The following MYH9 variants were observed in gnomAD, a reference collection of about 807,000 sequenced individuals.
MYH9 encodes myosin-9.
A neutral mutation model predicts 241.9 loss-of-function variants in MYH9; 29 were observed. The ratio of observed to expected loss-of-function variants is 0.12; its 90% CI spans 0.09 to 0.16. The LOEUF (loss-of-function observed/expected upper bound fraction) is 0.16, where lower values mean the gene tolerates loss of function less well. MYH9 is among the 10% of genes least tolerant of loss of function. The pLI, the probability that MYH9 is intolerant of heterozygous loss-of-function variation, is 1.00. For synonymous variants in MYH9, 1,047 were observed against 1,062.6 expected (o/e 0.99, Z 0.29); for missense variants, 1,803 against 2,595.5 (o/e 0.69, Z 6.63).
rs144179406 is a variant in MYH9 at position 36,282,674 on chromosome 22, G to A, written c.5877C>T (p.Ala1959=). The change falls in exon 41 of 41, where the codon GCC becomes GCT. Residue 1959 remains alanine, a synonymous_variant. Transcript: ENST00000216181. ...AGGCTGCAGGAGAAGAGGCTTATTCGGCAGGTTTGGCCTCAGCCCCATCCG... is the reference window on the plus strand; with the variant it reads ...AGGCTGCAGGAGAAGAGGCTTATTCAGCAGGTTTGGCCTCAGCCCCATCCG... ...GKADGAEAKP[A]E 194 of 1,613,802 alleles carry A rather than the reference G, an allele frequency of 1.2e-4. 1 individual carries two copies. In the African/African-American group the frequency reaches 2.0e-3, roughly 17 times the overall value.
chr22:36,321,049 T>G (rs1440571858), intron 7 of MYH9, among the ~76,000 whole-genome samples, 153 bp from the exon 8 acceptor site: 2 of 151,988 alleles, frequency 1.3e-5, no homozygotes, highest in Non-Finnish European at 2.9e-5. Context: ...ACCTCCTGGA[T>G]TCAAGCGATT....
At chr22:36,352,843 G>A (rs1338639689) in intron 1 of MYH9, among the ~76,000 whole-genome samples, 3 of 152,348 alleles carry the variant, frequency 2.0e-5, no homozygotes, top group East Asian at 3.9e-4. Context: ...CATTAAGCAA[G>A]GCTGGGCTCT....
chr22:36,297,109 CGT>C (rs1569535078), intron 24 of MYH9, 95 bp from the exon 25 acceptor site: 49 of 1,408,506 alleles, frequency 3.5e-5, no homozygotes, highest in Non-Finnish European at 4.4e-5. Flanking sequence ...CGTTATGAAA[CGT>C]GTGTCAGGCT....
chr22:36,311,658 G>A (rs1603483260), intron 14 of MYH9, among the ~76,000 whole-genome samples: 1 of 152,186 alleles, frequency 6.6e-6, no homozygotes, highest in South Asian at 2.1e-4. Flanking sequence ...TTCCAGATGA[G>A]GAAACCAAGG....
At chr22:36,304,503 T>C (rs1332213764) in intron 18 of MYH9, among the ~76,000 whole-genome samples, 1 of 152,134 alleles carries the variant, frequency 6.6e-6, no homozygotes, top group Non-Finnish European at 1.5e-5. Flanking sequence ...AACAGGATGC[T>C]GGGAAGGGGA....
At chr22:36,346,711 T>TC (rs1461512735) in intron 2 of MYH9, among the ~76,000 whole-genome samples, 1 of 152,166 alleles carries the variant, frequency 6.6e-6, no homozygotes, top group Non-Finnish European at 1.5e-5. Context: ...CAAGTGATCC[T>TC]CCCACCTCAG....
Position 36,334,357 on chromosome 22 carries a change from G to A in MYH9, c.491-6869C>T, listed in dbSNP as rs113209021. Among the ~76,000 whole-genome samples, 833 of 152,312 alleles carry A rather than the reference G, an allele frequency of 5.5e-3. 8 individuals carry two copies. The highest frequency in any genetic ancestry group is 0.019 in the African/African-American group (797 of 41,566). ...GCCTGCTTCCCACAGCACCTGTCTG[G>A]TCCACCAGCATCCCAGGGAACAGAA... On this transcript the variant is annotated intron_variant, in intron 3 of 40. Transcript: ENST00000216181.
intron 19 of MYH9, among the ~76,000 whole-genome samples, chr22:36,303,333 C>T (rs959874888): frequency 6.6e-6 from 1 of 151,852 alleles, no homozygotes; most frequent in Non-Finnish European, 1.5e-5. Context: ...TGGCCTGCTC[C>T]CCTGGAATCA....
Position 36,282,781 on chromosome 22 carries a change from C to G in MYH9, c.5770G>C (p.Gly1924Arg), listed in dbSNP as rs371476289. 6.2e-7 allele frequency: 1 copy of G among 1,609,506 alleles called. No individual in the cohort carries two copies. The highest frequency in any genetic ancestry group is 8.5e-7 in the Non-Finnish European group (1 of 1,179,556). The change falls in exon 41 of 41, where the codon GGG becomes CGG. Residue 1924 changes from glycine to arginine, a missense_variant. Physicochemically the swap from Gly to Arg is moderately radical, Grantham distance 125. Transcript: ENST00000216181. ...CGGGGCACGACAAACGGCAGGTCCCCGCGCCTGGGGGCAGAGGTAGAAGCA... is the reference window on the plus strand; with the variant it reads ...CGGGGCACGACAAACGGCAGGTCCCGGCGCCTGGGGGCAGAGGTAGAAGCA... ...VSSLKNKLRRGDLPFVVPRRM... is the reference protein window; with the variant it reads ...VSSLKNKLRRRDLPFVVPRRM...
intron 9 of MYH9, among the ~76,000 whole-genome samples, chr22:36,319,986 C>T (rs907695057): frequency 1.3e-5 from 2 of 152,232 alleles, no homozygotes; most frequent in Non-Finnish European, 2.9e-5. Context: ...GACCCGAGTC[C>T]TGGGCAGTTA....
intron 20 of MYH9, 56 bp downstream of exon 20, chr22:36,302,512 G>C: frequency 7.2e-7 from 1 of 1,386,832 alleles, no homozygotes; most frequent in Non-Finnish European, 1.0e-6. Context: ...AGCCAGGTAT[G>C]TATGGTGGTG....
chr22:36,293,777 G>A lies in MYH9; in HGVS notation c.3924C>T (p.Ser1308=). ...KLTKDFSALE[S]QLQDTQELLQ... is the part of the protein sequence containing the mutation. ...CCCCTACCTGAGTGTCCTGCAGCTG[G>A]GACTCCAGCGCGGAGAAGTCCTTGG... Residue 1308 remains serine, a synonymous_variant, in exon 29 of 41, where the codon TCC becomes TCT. Transcript: ENST00000216181. This position sits in a 1 kb window ranked among gnomAD's most constrained non-coding sequence, Gnocchi z 5.1. 6.2e-7 allele frequency: 1 copy of A among 1,613,730 alleles called. No individual in the cohort carries two copies. Among genetic ancestry groups the A allele is most frequent in the Non-Finnish European group, 8.5e-7 (1 of 1,179,962 alleles).
At chr22:36,343,453 TAGG>T (rs1416720105) in intron 2 of MYH9, among the ~76,000 whole-genome samples, 12 of 150,304 alleles carry the variant, frequency 8.0e-5, no homozygotes, top group African/African-American at 2.5e-4. Context: ...GAGACTGAGA[TAGG>T]AGGATCACTT....
At position 36,295,215 on chromosome 22, in the gene MYH9, G is replaced by T; in HGVS notation, c.3486-139C>A. Reference sequence around the variant, plus strand: ...CTTTTCTACCCACCGGCCCCTCCTAGCCATCTATCCCATAGCCCAGGCTCA... The same window carrying T: ...CTTTTCTACCCACCGGCCCCTCCTATCCATCTATCCCATAGCCCAGGCTCA... On this transcript the variant is annotated intron_variant, in intron 26 of 40. Transcript: ENST00000216181. This position sits in a 1 kb window ranked among gnomAD's most constrained non-coding sequence, Gnocchi z 4.1. 8.5e-7 allele frequency: 1 copy of T among 1,173,432 alleles called. No individual in the cohort carries two copies. Among genetic ancestry groups the T allele is most frequent in the Non-Finnish European group, 1.3e-6 (1 of 796,628 alleles). 72.7% of individuals were successfully genotyped at this position (1,173,432 alleles called of 1,614,324 possible).
At chr22:36,368,624 C>A (rs972538335) in intron 1 of MYH9, among the ~76,000 whole-genome samples, 1 of 152,192 alleles carries the variant, frequency 6.6e-6, no homozygotes. Context: ...TCCCCTCCAG[C>A]AGACTCACTT....
chr22:36,376,998 G>A (rs2018178343), intron 1 of MYH9, among the ~76,000 whole-genome samples: 1 of 152,024 alleles, frequency 6.6e-6, no homozygotes, highest in African/African-American at 2.4e-5. Context: ...GGGAGGTGGA[G>A]GTTGCAGTGA....
chr22:36,283,467 G>A (rs1411953237), intron 40 of MYH9, among the ~76,000 whole-genome samples: 1 of 150,826 alleles, frequency 6.6e-6, no homozygotes, highest in African/African-American at 2.4e-5. Flanking sequence ...AACCCGGGAG[G>A]CAGAGGTTGC....
intron 24 of MYH9, among the ~76,000 whole-genome samples, chr22:36,298,408 C>G (rs570764069): frequency 1.1e-4 from 16 of 152,174 alleles, no homozygotes; most frequent in Non-Finnish European, 2.9e-5. Context: ...AATGAACTTC[C>G]GCAGTATTCG....
At chr22:36,326,802 C>T in intron 4 of MYH9, 141 bp from the exon 5 acceptor site, 2 of 735,850 alleles carry the variant, frequency 2.7e-6, no homozygotes, top group South Asian at 1.4e-5. Context: ...ACGGGACTGC[C>T]ACATAAACGC....
Sources: gnomAD v4.1 joint callset for allele counts (sites outside exome capture counted in the v4.1 genomes callset) on GRCh38, gnomAD v4.1.1 for gene constraint, Gnocchi (gnomAD v3.1) non-coding constraint, MANE v1.5 for transcripts, NCBI Gene and HGNC (gene_info 2026-07-23, HGNC 2026-07-21) for gene names.